Variants in ANKS1B observed in about 807,000 individuals in gnomAD.
ANKS1B encodes the protein ankyrin repeat and sterile alpha motif domain-containing protein 1B.
ANKS1B carries 36 observed loss-of-function variants against 148.3 expected under a neutral mutation model. That is an observed-to-expected ratio of 0.24 (90% CI 0.19 to 0.32). ANKS1B has a LOEUF of 0.32. ANKS1B is among the 10% of genes least tolerant of loss of function. The probability of loss-of-function intolerance (pLI) is 1.00; values close to 1 mark genes in which losing one functional copy is unlikely to be tolerated. For synonymous variants in ANKS1B, 542 were observed against 560.8 expected, an observed-to-expected ratio of 0.97 and a Z score of 0.47; for missense variants, 1,157 against 1,542.6, an observed-to-expected ratio of 0.75 and a Z score of 4.19.
rs137866436 is a variant in ANKS1B, at chr12:99,317,007, C to T, written c.1757-70143G>A. On this transcript the variant is annotated intron_variant, in intron 12 of 26. Transcript: ENST00000683438. ...ATGTGTGGTGTTATTTCTGAGGACT[C>T]TGCTCTGTTCCATTGGTCTGTGTGT... Among the ~76,000 whole-genome samples, 890 of 152,244 alleles carry T rather than the reference C, an allele frequency of 5.8e-3. 6 individuals are homozygous for T. Among genetic ancestry groups the T allele is most frequent in the African/African-American group, 0.021 (856 of 41,518 alleles).
At chr12:99,402,389 G>T (rs1468386192) in intron 11 of ANKS1B, among the ~76,000 whole-genome samples, 12 of 145,638 alleles carry the variant, frequency 8.2e-5, no homozygotes, top group Admixed American at 8.2e-4. Context: ...TGTCATGGGG[G>T]TTTGTTTAAC....
chr12:99,627,375 C>T (rs772350645), intron 9 of ANKS1B, among the ~76,000 whole-genome samples: 13 of 152,062 alleles, frequency 8.5e-5, no homozygotes, highest in Non-Finnish European at 1.8e-4. Context: ...TTATTATGTG[C>T]CAGGTTTTCT....
rs975183924 is a variant in ANKS1B at position 99,007,348 on chromosome 12, A to G, written c.2778+45809T>C. Reference sequence around the variant, plus strand: ...GAAACAGATGTGAAGATTCAAGTAAATACTAGGCCTGTTGGACTTTTTATG... The same window carrying G: ...GAAACAGATGTGAAGATTCAAGTAAGTACTAGGCCTGTTGGACTTTTTATG... On this transcript the variant is annotated intron_variant, in intron 17 of 26. Coordinates refer to ENST00000683438, the MANE Select transcript of ANKS1B (RefSeq NM_001352186.2). 9.8e-5 allele frequency among the ~76,000 whole-genome samples: 15 copies of G among 152,314 alleles called. 1 individual carries two copies. The highest frequency in any genetic ancestry group is 5.8e-4 in the East Asian group (3 of 5,174).
At chr12:99,117,289 G>A (rs1477045281) in intron 15 of ANKS1B, among the ~76,000 whole-genome samples, 1 of 152,184 alleles carries the variant, frequency 6.6e-6, no homozygotes, top group Non-Finnish European at 1.5e-5. Context: ...TTTTCTAAGG[G>A]AATGCTTCCA....
At chr12:99,258,610 G>T (rs201892582) in intron 12 of ANKS1B, among the ~76,000 whole-genome samples, 107 of 134,694 alleles carry the variant, frequency 7.9e-4, no homozygotes, top group Middle Eastern at 4.1e-3. Context: ...TTATCCACTT[G>T]TTTTTTTTTT....
At chr12:99,663,282 A>T (rs981457654) in intron 8 of ANKS1B, among the ~76,000 whole-genome samples, 8 of 152,136 alleles carry the variant, frequency 5.3e-5, no homozygotes. Context: ...GAGATATCAC[A>T]TGCCACAGTT....
At chr12:99,165,182 A>G (rs2077077439) in intron 14 of ANKS1B, among the ~76,000 whole-genome samples, 1 of 151,980 alleles carries the variant, frequency 6.6e-6, no homozygotes, top group Admixed American at 6.6e-5. Context: ...TAGAAATGAC[A>G]AGAATTTCAA....
intron 11 of ANKS1B, among the ~76,000 whole-genome samples, chr12:99,410,926 A>C (rs978624019): frequency 1.3e-5 from 2 of 152,216 alleles, no homozygotes; most frequent in Non-Finnish European, 2.9e-5. Flanking sequence ...GGGTGAGGGC[A>C]GATTCTTACA....
At chr12:99,672,878 G>T (rs910484303) in intron 8 of ANKS1B, among the ~76,000 whole-genome samples, 2 of 152,094 alleles carry the variant, frequency 1.3e-5, no homozygotes, top group Admixed American at 1.3e-4. Flanking sequence ...GATAAGAAAA[G>T]AAAAGGCTAA....
intron 9 of ANKS1B, among the ~76,000 whole-genome samples, chr12:99,595,749 A>G (rs1481835312): frequency 6.6e-6 from 1 of 151,956 alleles, no homozygotes; most frequent in East Asian, 1.9e-4. Context: ...TAAATAAATG[A>G]TTCAAAACAA....
intron 16 of ANKS1B, among the ~76,000 whole-genome samples, chr12:99,066,898 A>T (rs1405038964): frequency 1.3e-5 from 2 of 152,184 alleles, no homozygotes; most frequent in African/African-American, 4.8e-5. Flanking sequence ...GTATTCGTTC[A>T]TCGTGTGTGG....
chr12:99,176,924 CAT>C (rs1168529020), intron 14 of ANKS1B, among the ~76,000 whole-genome samples: 2 of 152,170 alleles, frequency 1.3e-5, no homozygotes, highest in African/African-American at 4.8e-5. Context: ...TTATAAATTA[CAT>C]AGTCTCAGAT....
chr12:99,469,380 T>G (rs2096198489), intron 10 of ANKS1B, among the ~76,000 whole-genome samples: 1 of 151,818 alleles, frequency 6.6e-6, no homozygotes, highest in Admixed American at 6.6e-5. Flanking sequence ...GCATGGCACA[T>G]GTATACATAT....
chr12:99,279,584 G>A (rs1000195272), intron 12 of ANKS1B, among the ~76,000 whole-genome samples: 1 of 152,104 alleles, frequency 6.6e-6, no homozygotes, highest in African/African-American at 2.4e-5. Flanking sequence ...GGTGGGGGGA[G>A]GTTGTAGAAG....
At chr12:99,882,152 G>C (rs2092549804) in intron 1 of ANKS1B, among the ~76,000 whole-genome samples, 1 of 152,162 alleles carries the variant, frequency 6.6e-6, no homozygotes, top group Non-Finnish European at 1.5e-5. Context: ...AATGAGTTCT[G>C]TAACAGAATA....
intron 1 of ANKS1B, among the ~76,000 whole-genome samples, chr12:99,942,295 C>T (rs1228953774): frequency 6.6e-6 from 1 of 152,022 alleles, no homozygotes. Context: ...ACAGAGAAAT[C>T]ACGGAAAATT....
At chr12:98,788,800 T>C (rs2098821232) in intron 22 of ANKS1B, among the ~76,000 whole-genome samples, 1 of 152,378 alleles carries the variant, frequency 6.6e-6, no homozygotes, top group Middle Eastern at 3.4e-3. Flanking sequence ...CTGCTGTGCA[T>C]GTAAACTCGC....
At chr12:99,059,451 AT>A (rs756013815) in intron 16 of ANKS1B, among the ~76,000 whole-genome samples, 86 of 152,338 alleles carry the variant, frequency 5.6e-4, no homozygotes, top group Non-Finnish European at 1.0e-3. Context: ...AACTAAGGTT[AT>A]CTTTTTCTGC....
chr12:99,920,829 G>A (rs143804328), intron 1 of ANKS1B, among the ~76,000 whole-genome samples: 4 of 152,168 alleles, frequency 2.6e-5, no homozygotes, highest in East Asian at 1.9e-4. Context: ...TCAGGCCCTC[G>A]AAGCCAGACT....
Sources: gnomAD v4.1 joint callset for allele counts (sites outside exome capture counted in the v4.1 genomes callset) on GRCh38, gnomAD v4.1.1 for gene constraint, MANE v1.5 for transcripts, NCBI Gene and HGNC (gene_info 2026-07-23, HGNC 2026-07-21) for gene names.